The following ANO2 variants were observed in gnomAD, a reference collection of about 807,000 sequenced individuals.
The protein encoded by ANO2 is anoctamin 2.
A neutral mutation model predicts 124.2 loss-of-function variants in ANO2; 101 were observed. The observed-to-expected ratio is 0.81, with a 90% CI of 0.69 to 0.96. ANO2 has a LOEUF of 0.96. Among genes scored for constraint, ANO2 ranks in the 40% least tolerant of loss-of-function variants. The pLI is 0.00. For missense variants in ANO2, 1,293 were observed against 1,274.5 expected (o/e 1.01, Z -0.22); for synonymous variants, 486 against 482.5 (o/e 1.01, Z -0.09).
intron 15 of ANO2, among the ~76,000 whole-genome samples, chr12:5,642,061 G>A (rs1314834137): frequency 2.0e-5 from 3 of 152,154 alleles, no homozygotes; most frequent in African/African-American, 7.2e-5. Context: ...CCTAGTTTCA[G>A]TCCTCTCCTT....
chr12:5,887,793 T>C (rs1431328302), intron 3 of ANO2, among the ~76,000 whole-genome samples: 1 of 152,002 alleles, frequency 6.6e-6, no homozygotes, highest in African/African-American at 2.4e-5. Flanking sequence ...GCCCCTCACA[T>C]AAGCTCTATG....
intron 10 of ANO2, among the ~76,000 whole-genome samples, chr12:5,777,575 G>C (rs893027991): frequency 6.6e-6 from 1 of 152,106 alleles, no homozygotes; most frequent in Non-Finnish European, 1.5e-5. Flanking sequence ...TATTATTTCA[G>C]GGCAACTGCA....
chr12:5,575,297 A>G (rs1224957372), intron 23 of ANO2, among the ~76,000 whole-genome samples: 1 of 152,228 alleles, frequency 6.6e-6, no homozygotes, highest in Non-Finnish European at 1.5e-5. Flanking sequence ...TGTCTGCTCC[A>G]TAGTGTCTAG....
chr12:5,839,118 C>G (rs865945006), intron 4 of ANO2, among the ~76,000 whole-genome samples: 2 of 152,176 alleles, frequency 1.3e-5, no homozygotes, highest in African/African-American at 4.8e-5. Context: ...GGGAGACAGA[C>G]AAGGGGAGCC....
intron 3 of ANO2, among the ~76,000 whole-genome samples, chr12:5,866,751 C>T (rs1444505872): frequency 6.6e-6 from 1 of 152,204 alleles, no homozygotes; most frequent in Admixed American, 6.5e-5. Context: ...CTGTACTGCC[C>T]ACTACAATGC....
intron 10 of ANO2, among the ~76,000 whole-genome samples, chr12:5,792,270 A>C (rs1002111640): frequency 1.3e-5 from 2 of 152,148 alleles, no homozygotes; most frequent in Non-Finnish European, 2.9e-5. Context: ...GGGTCTGATG[A>C]ACACATACAC....
At chr12:5,800,840 G>A (rs1953015322) in intron 9 of ANO2, among the ~76,000 whole-genome samples, 2 of 152,304 alleles carry the variant, frequency 1.3e-5, no homozygotes, top group South Asian at 4.1e-4. Context: ...TATTGAAGAG[G>A]AGGCAATTTG....
chr12:5,605,294 TC>T lies in ANO2; in HGVS notation c.2088-5666del, dbSNP rs954240257. On this transcript the variant is annotated intron_variant, in intron 19 of 24. Transcript: ENST00000682330. The stretch of plus-strand genomic sequence containing the variant: ...TATTTGAGGAGAACACAGACCTCCC[TC>T]CCGTGTTGGCTTTAAAGAGAGCCTG... 7.9e-5 allele frequency among the ~76,000 whole-genome samples: 12 copies of T among 152,348 alleles called. No individual in the cohort carries two copies. The East Asian group carries it at 1.9e-3, about 24-fold the overall frequency.
chr12:5,563,355 C>T lies in ANO2; in HGVS notation c.2941G>A (p.Gly981Ser), dbSNP rs766064326. 1.2e-6 allele frequency: 2 copies of T among 1,605,078 alleles called. No homozygotes were observed. Among genetic ancestry groups the T allele is most frequent in the African/African-American group, 1.3e-5 (1 of 74,776 alleles). The stretch of plus-strand genomic sequence containing the variant: ...ATCATGCTGCCCAGCTGGCTTTGGC[C>T]TGAAGGTGCTGAGCTGGCTGCCCGG... The part of the protein sequence containing the change: ...RSRAASSAPS[G>S]QSQLGSMMSS... Residue 981 changes from glycine to serine, a missense_variant, in exon 25 of 25, where the codon GGC becomes AGC. Physicochemically the swap from Gly to Ser is moderately conservative, Grantham distance 56 (BLOSUM62 0). Transcript: ENST00000682330.
chr12:5,810,277 A>G (rs746190284), intron 7 of ANO2, among the ~76,000 whole-genome samples: 16 of 152,218 alleles, frequency 1.1e-4, no homozygotes, highest in Non-Finnish European at 2.1e-4. Context: ...TTTACCCAAC[A>G]ACAGGGATTT....
chr12:5,806,788 CA>C lies in ANO2; in HGVS notation c.948+524del, dbSNP rs916541712. Among the ~76,000 whole-genome samples the C allele has an allele frequency of 1.3e-3, 191 of 152,160 alleles. 2 individuals carry two copies. Among genetic ancestry groups the C allele is most frequent in the African/African-American group, 4.2e-3 (176 of 41,518 alleles). ...ACAAGGAATTCTGAGAGATTTTCTT[CA>C]AAAAAAATTTTTTTTAAAATAATGA... On this transcript the variant is annotated intron_variant, in intron 8 of 24. Transcript: ENST00000682330.
At chr12:5,738,358 A>G (rs1386628839) in intron 13 of ANO2, among the ~76,000 whole-genome samples, 1 of 152,234 alleles carries the variant, frequency 6.6e-6, no homozygotes, top group African/African-American at 2.4e-5. Flanking sequence ...AGTAATGAGC[A>G]GGCTTGTGTT....
intron 16 of ANO2, among the ~76,000 whole-genome samples, chr12:5,616,805 G>T (rs1279683692): frequency 6.6e-6 from 1 of 152,018 alleles, no homozygotes; most frequent in East Asian, 1.9e-4. Context: ...TAATATATAG[G>T]TGAGTTACTA....
At chr12:5,868,870 AGAGGACAGG>A (rs1373978556) in intron 3 of ANO2, among the ~76,000 whole-genome samples, 11 of 139,612 alleles carry the variant, frequency 7.9e-5, no homozygotes, top group African/African-American at 3.7e-4. Flanking sequence ...ACAGCACCAG[AGAGGACAGG>A]GATATAAATG....
intron 3 of ANO2, among the ~76,000 whole-genome samples, chr12:5,905,138 CA>C (rs980897342): frequency 8.5e-5 from 13 of 152,130 alleles, no homozygotes; most frequent in Admixed American, 2.6e-4. Flanking sequence ...CAAGGGTTCC[CA>C]GGGGGGTGAG....
chr12:5,768,369 C>T (rs1051329648), intron 10 of ANO2, among the ~76,000 whole-genome samples: 8 of 152,166 alleles, frequency 5.3e-5, no homozygotes, highest in Admixed American at 5.2e-4. Flanking sequence ...ACCCCATTCC[C>T]AGGGAGTGTT....
At chr12:5,875,641 C>T (rs980962489) in intron 3 of ANO2, among the ~76,000 whole-genome samples, 8 of 152,290 alleles carry the variant, frequency 5.3e-5, no homozygotes, top group African/African-American at 1.7e-4. Context: ...GCACCGGTGA[C>T]GGTCACCATC....
chr12:5,660,713 C>G (rs1262509997), intron 14 of ANO2, among the ~76,000 whole-genome samples: 2 of 152,194 alleles, frequency 1.3e-5, no homozygotes, highest in Non-Finnish European at 2.9e-5. Flanking sequence ...CAACATGGAT[C>G]CAGCACTTGG....
chr12:5,792,231 T>C (rs892470636), intron 10 of ANO2, among the ~76,000 whole-genome samples: 10 of 152,334 alleles, frequency 6.6e-5, no homozygotes, highest in African/African-American at 2.2e-4. Context: ...GCTCCTGGTC[T>C]AAAGGAATGT....
Sources: allele counts gnomAD v4.1 joint callset (sites outside exome capture counted in the v4.1 genomes callset), GRCh38; gene constraint gnomAD v4.1.1; transcripts MANE v1.5; gene names NCBI Gene and HGNC (gene_info 2026-07-23, HGNC 2026-07-21).